CEP70: variants seen among roughly 807,000 people sequenced by gnomAD.
CEP70 encodes centrosomal protein 70.
A neutral mutation model predicts 90.9 loss-of-function variants in CEP70; 70 were observed. The ratio of observed to expected loss-of-function variants is 0.77; its 90% CI spans 0.64 to 0.94. The LOEUF (loss-of-function observed/expected upper bound fraction) is 0.94. Ranked by LOEUF, CEP70 falls within the 40% of genes least tolerant of loss-of-function variation. The probability of loss-of-function intolerance (pLI) is 0.00; values close to 1 mark genes in which losing one functional copy is unlikely to be tolerated. For missense variants in CEP70, 648 were observed against 669.0 expected (o/e 0.97, Z 0.35); for synonymous variants, 220 against 228.3 (o/e 0.96, Z 0.33).
At chr3:138,567,385 A>G (rs1366811066) in intron 6 of CEP70, among the ~76,000 whole-genome samples, 1 of 152,236 alleles carries the variant, frequency 6.6e-6, no homozygotes, top group Non-Finnish European at 1.5e-5. Flanking sequence ...ATTGATTAGT[A>G]TGGTGAAGAA....
chr3:138,532,713 C>T, intron 7 of CEP70, 143 bp from the exon 8 acceptor site: 1 of 611,742 alleles, frequency 1.6e-6, no homozygotes. Flanking sequence ...TGATTCTTAC[C>T]AAAAAGCAAA....
rs185028097 is a variant in CEP70, at chr3:138,592,131, C to T, written c.-108-175G>A. Among the ~76,000 whole-genome samples, 136 of 152,306 alleles carry T rather than the reference C, an allele frequency of 8.9e-4. 1 individual carries two copies. Among genetic ancestry groups the T allele is most frequent in the Admixed American group, 2.0e-3 (31 of 15,288 alleles). On this transcript the variant is annotated intron_variant, in intron 1 of 17. Transcript: ENST00000264982. ...CAGCTCACCATCATATGCCTCTTCCCTTCTCTTCTCTCTCCTTCTTATCTT... is the reference window on the plus strand; with the variant it reads ...CAGCTCACCATCATATGCCTCTTCCTTTCTCTTCTCTCTCCTTCTTATCTT...
chr3:138,495,582 T>C (rs753029695), intron 17 of CEP70, among the ~76,000 whole-genome samples: 2 of 152,208 alleles, frequency 1.3e-5, no homozygotes, highest in Non-Finnish European at 2.9e-5. Flanking sequence ...CTGGGTGCAG[T>C]GGCTCATGCC....
intron 6 of CEP70, among the ~76,000 whole-genome samples, chr3:138,545,324 T>C (rs1033891876): frequency 3.9e-5 from 6 of 152,212 alleles, no homozygotes; most frequent in Non-Finnish European, 8.8e-5. Context: ...CTGCAATCTC[T>C]GAACATAAAT....
At chr3:138,533,171 C>T (rs2037970744) in intron 7 of CEP70, among the ~76,000 whole-genome samples, 1 of 151,914 alleles carries the variant, frequency 6.6e-6, no homozygotes, top group East Asian at 1.9e-4. Flanking sequence ...GTCCCAGCTA[C>T]TCGGGAGGCT....
In CEP70 at chr3:138,565,528, G is replaced by A. The variant is rs151068523; in HGVS notation, c.465+4790C>T. ...GGGACAGAACAGAGGCCACAGAAAT[G>A]ACACCACACATCTACAACCATCTGA... On this transcript the variant is annotated intron_variant, in intron 6 of 17. Transcript: ENST00000264982. Among the ~76,000 whole-genome samples the A allele has an allele frequency of 4.8e-3, 729 of 152,110 alleles. 4 individuals are homozygous for A. The highest frequency in any genetic ancestry group is 0.017 in the African/African-American group (702 of 41,496).
intron 6 of CEP70, among the ~76,000 whole-genome samples, chr3:138,559,222 G>C (rs2040224556): frequency 6.6e-6 from 1 of 152,004 alleles, no homozygotes; most frequent in African/African-American, 2.4e-5. Flanking sequence ...GAATAAACAT[G>C]AAAGACATAG....
chr3:138,570,769 A>T (rs1052916573), intron 5 of CEP70, among the ~76,000 whole-genome samples: 1 of 152,184 alleles, frequency 6.6e-6, no homozygotes, highest in Non-Finnish European at 1.5e-5. Context: ...GGTGCTCAAA[A>T]AGTTTCAATT....
intron 3 of CEP70, among the ~76,000 whole-genome samples, chr3:138,571,865 G>A (rs1308387459): frequency 6.6e-6 from 1 of 152,046 alleles, no homozygotes; most frequent in Non-Finnish European, 1.5e-5. Flanking sequence ...TGCAAGCTCT[G>A]CCTCCCAGGT....
chr3:138,523,549 G>A (rs1009944340), intron 11 of CEP70, among the ~76,000 whole-genome samples: 56 of 152,116 alleles, frequency 3.7e-4, no homozygotes, highest in African/African-American at 1.3e-3. Flanking sequence ...AAATCAATGT[G>A]CAAAAATCAC....
chr3:138,519,280 T>C (rs2036368254), intron 11 of CEP70, among the ~76,000 whole-genome samples: 1 of 152,094 alleles, frequency 6.6e-6, no homozygotes, highest in African/African-American at 2.4e-5. Flanking sequence ...CCAGGAGAAC[T>C]TCCCCAATCT....
intron 6 of CEP70, among the ~76,000 whole-genome samples, chr3:138,547,884 T>C (rs1278400392): frequency 2.6e-5 from 4 of 152,222 alleles, no homozygotes; most frequent in African/African-American, 9.6e-5. Context: ...TTATGAACTA[T>C]TTATTTCTGG....
Position 138,534,006 on chromosome 3 carries a change from G to A in CEP70, c.636-1436C>T, listed in dbSNP as rs1037355280. Among the ~76,000 whole-genome samples, 53 of 152,168 alleles carry A rather than the reference G, an allele frequency of 3.5e-4. 1 individual carries two copies. Among genetic ancestry groups the A allele is most frequent in the African/African-American group, 1.3e-3 (52 of 41,542 alleles). On this transcript the variant is annotated intron_variant, in intron 7 of 17. Transcript: ENST00000264982. The stretch of plus-strand genomic sequence containing the variant: ...TCACCGTGTTAGCCAGGATGGTCTC[G>A]ATCTCCTGACCTCGTGATCCGCCCG...
chr3:138,566,703 T>C (rs1419440576), intron 6 of CEP70, among the ~76,000 whole-genome samples: 1 of 151,930 alleles, frequency 6.6e-6, no homozygotes, highest in Non-Finnish European at 1.5e-5. Context: ...GAGAAATACC[T>C]AATGTAGATG....
At chr3:138,522,920 A>G (rs1399867802) in intron 11 of CEP70, among the ~76,000 whole-genome samples, 2 of 152,200 alleles carry the variant, frequency 1.3e-5, no homozygotes, top group Non-Finnish European at 2.9e-5. Flanking sequence ...AGACACAACA[A>G]AAAAAGAGAA....
At chr3:138,540,405 C>T (rs567762304) in intron 6 of CEP70, among the ~76,000 whole-genome samples, 26 of 150,770 alleles carry the variant, frequency 1.7e-4, no homozygotes, top group Non-Finnish European at 2.7e-4. Context: ...GGAGGGGAAT[C>T]GCTTGAACCT....
intron 8 of CEP70, chr3:138,531,699 T>C (rs1379026919): frequency 8.4e-5 from 3 of 35,692 alleles, no homozygotes; most frequent in Admixed American, 1.9e-4. Flanking sequence ...CTTCTTTTCC[T>C]TTTTTTTTTT....
intron 6 of CEP70, among the ~76,000 whole-genome samples, chr3:138,568,895 C>T (rs2040965830): frequency 6.6e-6 from 1 of 151,906 alleles, no homozygotes. Context: ...AGGAGAATCG[C>T]TTCAACCCGG....
At chr3:138,574,257 T>C (rs964642555) in intron 2 of CEP70, among the ~76,000 whole-genome samples, 9 of 152,198 alleles carry the variant, frequency 5.9e-5, no homozygotes, top group African/African-American at 2.2e-4. Context: ...GCTTTTCCAA[T>C]GGTCTCAGCA....
Sources: gnomAD v4.1 joint callset for allele counts (sites outside exome capture counted in the v4.1 genomes callset) on GRCh38, gnomAD v4.1.1 for gene constraint, MANE v1.5 for transcripts, NCBI Gene and HGNC (gene_info 2026-07-23, HGNC 2026-07-21) for gene names.